CDH20: variants seen among roughly 807,000 people sequenced by gnomAD.
CDH20 encodes the protein cadherin 20.
A neutral mutation model predicts 74.2 loss-of-function variants in CDH20; 29 were observed. The ratio of observed to expected loss-of-function variants is 0.39; its 90% confidence interval spans 0.29 to 0.53. The LOEUF (loss-of-function observed/expected upper bound fraction) is 0.53, where lower values mean the gene tolerates loss of function less well. Among genes scored for constraint, CDH20 ranks in the 20% least tolerant of loss-of-function variants. The probability of loss-of-function intolerance (pLI) is 0.69; values close to 1 mark genes in which losing one functional copy is unlikely to be tolerated. For synonymous variants in CDH20, 469 were observed against 405.4 expected (o/e 1.16, Z -1.88); for missense variants, 988 against 1,048.3 (o/e 0.94, Z 0.79).
chr18:61,380,669 C>T (rs1271833562), intron 1 of CDH20, among the ~76,000 whole-genome samples: 1 of 152,122 alleles, frequency 6.6e-6, no homozygotes, highest in African/African-American at 2.4e-5. Flanking sequence ...ATTAGCCCAG[C>T]GTGGTGGCAC....
At position 61,351,967 on chromosome 18, in the gene CDH20, A is replaced by T. The variant is rs182410191; in HGVS notation, c.-153+18140A>T. Among the ~76,000 whole-genome samples the T allele has an allele frequency of 6.7e-4, 102 of 152,312 alleles. 1 individual carries two copies. The highest frequency in any genetic ancestry group is 1.3e-3 in the Non-Finnish European group (89 of 68,028). On this transcript the variant is annotated intron_variant, in intron 1 of 11. Coordinates refer to ENST00000262717, the MANE Select transcript of CDH20 (RefSeq NM_031891.4). ...GAGCGAGATAAAGCCATGCATAAAG[A>T]CTTATTTTGAGAAAATAAATGATTA... is the stretch of plus-strand genomic sequence containing the variant.
At chr18:61,514,887 C>A (rs2097482321) in intron 6 of CDH20, among the ~76,000 whole-genome samples, 1 of 151,642 alleles carries the variant, frequency 6.6e-6, no homozygotes, top group African/African-American at 2.4e-5. Context: ...GCTGGGAGAA[C>A]CACTGCTCTC....
intron 1 of CDH20, among the ~76,000 whole-genome samples, chr18:61,477,356 A>G (rs1568155713): frequency 6.6e-6 from 1 of 152,200 alleles, no homozygotes; most frequent in Admixed American, 6.5e-5. Context: ...CTACCAGTCT[A>G]GGGTCAGCTA....
intron 2 of CDH20, among the ~76,000 whole-genome samples, chr18:61,497,405 G>A (rs1911209540): frequency 1.3e-5 from 2 of 152,172 alleles, no homozygotes; most frequent in South Asian, 4.1e-4. Context: ...TGGTGTTCAT[G>A]CTGTTTAATC....
chr18:61,495,095 AG>A (rs1416690632), intron 2 of CDH20, among the ~76,000 whole-genome samples: 1 of 152,200 alleles, frequency 6.6e-6, no homozygotes, highest in Non-Finnish European at 1.5e-5. Flanking sequence ...TTTTTTAGGA[AG>A]GAAAAAAAAC....
At chr18:61,516,009 A>G (rs1214512453) in intron 6 of CDH20, among the ~76,000 whole-genome samples, 1 of 151,808 alleles carries the variant, frequency 6.6e-6, no homozygotes, top group African/African-American at 2.4e-5. Context: ...ACTCCCCTAA[A>G]GTACAACATG....
chr18:61,456,771 A>G (rs1206754354), intron 1 of CDH20, among the ~76,000 whole-genome samples: 3 of 152,168 alleles, frequency 2.0e-5, no homozygotes, highest in African/African-American at 7.2e-5. Flanking sequence ...TATTTCTCAC[A>G]GTTCTGAAAA....
At chr18:61,437,183 T>C (rs1310703188) in intron 1 of CDH20, among the ~76,000 whole-genome samples, 1 of 152,162 alleles carries the variant, frequency 6.6e-6, no homozygotes. Flanking sequence ...ATTGCCACCA[T>C]CAGCCTTTGA....
chr18:61,338,367 T>C (rs1469155435), intron 1 of CDH20, among the ~76,000 whole-genome samples: 1 of 152,198 alleles, frequency 6.6e-6, no homozygotes, highest in African/African-American at 2.4e-5. Flanking sequence ...TCTGCCAATC[T>C]CTTGCTAACC....
intron 1 of CDH20, among the ~76,000 whole-genome samples, chr18:61,477,197 C>T (rs1265505176): frequency 6.6e-6 from 1 of 152,168 alleles, no homozygotes; most frequent in Non-Finnish European, 1.5e-5. Context: ...TTATCATATA[C>T]ATGTGGCTGG....
At chr18:61,344,580 T>A (rs1398640081) in intron 1 of CDH20, among the ~76,000 whole-genome samples, 1 of 152,218 alleles carries the variant, frequency 6.6e-6, no homozygotes. Context: ...AAATACGTCA[T>A]TTTAAAAATT....
chr18:61,484,001 ATCT>A (rs956737897), intron 1 of CDH20, among the ~76,000 whole-genome samples: 5 of 152,186 alleles, frequency 3.3e-5, no homozygotes, highest in Non-Finnish European at 5.9e-5. Flanking sequence ...TTGCCAAAAA[ATCT>A]TCTTCCTGTG....
chr18:61,517,861 A>T (rs1256419097), intron 6 of CDH20, among the ~76,000 whole-genome samples: 1 of 152,082 alleles, frequency 6.6e-6, no homozygotes, highest in Non-Finnish European at 1.5e-5. Context: ...GCAAGCTAAG[A>T]TCCACTGGCT....
intron 1 of CDH20, among the ~76,000 whole-genome samples, chr18:61,455,186 G>A (rs1161120889): frequency 2.6e-5 from 4 of 152,152 alleles, no homozygotes. Flanking sequence ...TATCATGAAA[G>A]ACAAGGAAAA....
intron 5 of CDH20, among the ~76,000 whole-genome samples, chr18:61,503,567 T>A (rs1431662698): frequency 6.6e-6 from 1 of 152,180 alleles, no homozygotes; most frequent in Non-Finnish European, 1.5e-5. Context: ...CCCAAAGCTG[T>A]AGATGGACAC....
intron 2 of CDH20, among the ~76,000 whole-genome samples, chr18:61,493,265 C>G (rs374550580): frequency 1.3e-5 from 2 of 152,118 alleles, no homozygotes; most frequent in African/African-American, 4.8e-5. Flanking sequence ...TCTCTAGGCT[C>G]GGTCATGACC....
At chr18:61,475,421 G>A (rs181425286) in intron 1 of CDH20, among the ~76,000 whole-genome samples, 1 of 152,172 alleles carries the variant, frequency 6.6e-6, no homozygotes, top group Non-Finnish European at 1.5e-5. Flanking sequence ...GGAAATAAAT[G>A]ATATCCACTG....
At chr18:61,345,130 A>C (rs1910072382) in intron 1 of CDH20, among the ~76,000 whole-genome samples, 1 of 152,224 alleles carries the variant, frequency 6.6e-6, no homozygotes, top group Non-Finnish European at 1.5e-5. Flanking sequence ...CTTCATGCCC[A>C]CCAATCCGGA....
At chr18:61,503,194 G>A in intron 5 of CDH20, 74 bp downstream of exon 5, 1 of 1,165,072 alleles carries the variant, frequency 8.6e-7, no homozygotes. Context: ...GCGGGAGAAA[G>A]CCCAGTTTGA....
Sources: allele counts gnomAD v4.1 joint callset (sites outside exome capture counted in the v4.1 genomes callset), GRCh38; gene constraint gnomAD v4.1.1; transcripts MANE v1.5; gene names NCBI Gene and HGNC (gene_info 2026-07-23, HGNC 2026-07-21).